The following TIAM1 variants were observed in gnomAD, a reference collection of about 807,000 sequenced individuals.
The protein encoded by TIAM1 is TIAM Rac1 associated GEF 1.
A neutral mutation model predicts 163.5 loss-of-function variants in TIAM1; 65 were observed. That is an observed-to-expected ratio of 0.40 (90% CI 0.33 to 0.49). The LOEUF (loss-of-function observed/expected upper bound fraction) is 0.49, where lower values mean the gene tolerates loss of function less well. Ranked by LOEUF, TIAM1 falls within the 20% of genes least tolerant of loss-of-function variation. The pLI, the probability that TIAM1 is intolerant of heterozygous loss-of-function variation, is 0.77. For synonymous variants in TIAM1, 833 were observed against 810.1 expected (o/e 1.03, Z -0.48); for missense variants, 1,789 against 2,044.7 (o/e 0.87, Z 2.41).
intron 6 of TIAM1, among the ~76,000 whole-genome samples, chr21:31,234,820 A>G (rs913299095): frequency 1.3e-5 from 2 of 152,072 alleles, no homozygotes; most frequent in African/African-American, 2.4e-5. Context: ...CTTTGGCAGC[A>G]TATATACTAA....
At chr21:31,225,237 C>A (rs536231340) in intron 7 of TIAM1, among the ~76,000 whole-genome samples, 2 of 151,946 alleles carry the variant, frequency 1.3e-5, no homozygotes, top group South Asian at 2.1e-4. Flanking sequence ...TGGGCTCAAG[C>A]GAGTATGCCC....
At chr21:31,487,906 G>A (rs2046332184) in intron 1 of TIAM1, among the ~76,000 whole-genome samples, 1 of 151,658 alleles carries the variant, frequency 6.6e-6, no homozygotes, top group Non-Finnish European at 1.5e-5. Context: ...TGGCCAGGCT[G>A]GTCTCAAGCA....
At chr21:31,360,760 G>C (rs1172598458) in intron 2 of TIAM1, among the ~76,000 whole-genome samples, 1 of 152,166 alleles carries the variant, frequency 6.6e-6, no homozygotes, top group Non-Finnish European at 1.5e-5. Context: ...TTGTCAGGCA[G>C]TTCACAAAAG....
intron 2 of TIAM1, chr21:31,452,655 T>A: frequency 2.2e-6 from 1 of 451,594 alleles, no homozygotes; most frequent in South Asian, 2.0e-5. Context: ...ACTGAAATTC[T>A]CAGGGCTTTT....
chr21:31,223,329 G>A lies in TIAM1; in HGVS notation c.1995+77C>T, dbSNP rs1025412201. ...CAGCAGGAAGCTCGAAAAACACTTA[G>A]GAGACTCTTGTCAAGTCCTGCTCAG... On this transcript the variant is annotated intron_variant, in intron 8 of 27. Transcript: ENST00000541036. The A allele has an allele frequency of 3.4e-6, 5 of 1,462,552 alleles. No individual in the cohort carries two copies. The African/African-American group carries it at 4.3e-5, about 12-fold the overall frequency. The allele number at this position is 1,462,552 out of a possible 1,614,324, so 90.6% of individuals were successfully genotyped here.
At chr21:31,192,889 G>A (rs1271527565) in intron 13 of TIAM1, among the ~76,000 whole-genome samples, 1 of 152,162 alleles carries the variant, frequency 6.6e-6, no homozygotes. Flanking sequence ...GGTGTGGAAT[G>A]AGGACAACGT....
At chr21:31,396,175 G>C (rs1379126918) in intron 2 of TIAM1, among the ~76,000 whole-genome samples, 1 of 152,166 alleles carries the variant, frequency 6.6e-6, no homozygotes, top group Non-Finnish European at 1.5e-5. Context: ...AAGAGGAGTA[G>C]AGGGGCTTGT....
chr21:31,155,753 G>A (rs933470711), intron 16 of TIAM1, among the ~76,000 whole-genome samples: 7 of 152,034 alleles, frequency 4.6e-5, no homozygotes, highest in African/African-American at 1.4e-4. Context: ...CACCCGCCTT[G>A]GCCTCCCAAA....
intron 2 of TIAM1, among the ~76,000 whole-genome samples, chr21:31,284,614 G>A (rs139532217): frequency 4.9e-4 from 74 of 152,266 alleles, no homozygotes; most frequent in African/African-American, 1.5e-3. Context: ...CACCTCTCAA[G>A]TTCAAGTGAT....
At chr21:31,286,732 T>TGC (rs899593434) in intron 2 of TIAM1, among the ~76,000 whole-genome samples, 16 of 152,264 alleles carry the variant, frequency 1.1e-4, no homozygotes, top group African/African-American at 3.9e-4. Context: ...TGTGTGTGTG[T>TGC]GCATTTATTT....
At chr21:31,312,724 C>G (rs2074977392) in intron 2 of TIAM1, among the ~76,000 whole-genome samples, 1 of 152,166 alleles carries the variant, frequency 6.6e-6, no homozygotes, top group East Asian at 1.9e-4. Flanking sequence ...TCGAAAGTAG[C>G]TGAGTAGAAA....
chr21:31,123,976 A>C (rs2082091966), intron 27 of TIAM1: 1 of 152,280 alleles, frequency 6.6e-6, no homozygotes. Context: ...ATGGAGACTA[A>C]AAATAAAGTT....
chr21:31,230,923 C>T (rs2088382895), intron 6 of TIAM1, among the ~76,000 whole-genome samples: 1 of 152,232 alleles, frequency 6.6e-6, no homozygotes, highest in African/African-American at 2.4e-5. Flanking sequence ...CTGCCTCGGC[C>T]TCCCAAAGTG....
chr21:31,309,355 G>A (rs1219986460), intron 2 of TIAM1, among the ~76,000 whole-genome samples: 2 of 152,186 alleles, frequency 1.3e-5, no homozygotes, highest in Non-Finnish European at 2.9e-5. Context: ...CCACTCAGGA[G>A]GCTGAGGCAG....
At chr21:31,538,358 C>T (rs187350622) in intron 1 of TIAM1, among the ~76,000 whole-genome samples, 6 of 152,284 alleles carry the variant, frequency 3.9e-5, no homozygotes, top group Non-Finnish European at 7.3e-5. Flanking sequence ...GCCTGGGCAA[C>T]ACAGTGAGAC....
At chr21:31,510,298 T>C (rs2047170431) in intron 1 of TIAM1, among the ~76,000 whole-genome samples, 1 of 152,230 alleles carries the variant, frequency 6.6e-6, no homozygotes, top group Non-Finnish European at 1.5e-5. Flanking sequence ...GCCTCTCCTC[T>C]GTGCGTGCAC....
intron 2 of TIAM1, among the ~76,000 whole-genome samples, chr21:31,454,269 ATATT>A (rs1303860380): frequency 6.6e-6 from 1 of 152,208 alleles, no homozygotes; most frequent in Non-Finnish European, 1.5e-5. Flanking sequence ...GCTCAGGAAA[ATATT>A]TACTGAATGG....
At chr21:31,195,779 A>T (rs2085819366) in intron 12 of TIAM1, among the ~76,000 whole-genome samples, 1 of 152,186 alleles carries the variant, frequency 6.6e-6, no homozygotes, top group Admixed American at 6.5e-5. Flanking sequence ...AAAGGAGGAT[A>T]TTCTTTTTTT....
At chr21:31,428,346 T>C (rs1429712102) in intron 2 of TIAM1, among the ~76,000 whole-genome samples, 1 of 152,180 alleles carries the variant, frequency 6.6e-6, no homozygotes. Flanking sequence ...TAATACCCCT[T>C]CCTATATATG....
Sources: allele counts gnomAD v4.1 joint callset (sites outside exome capture counted in the v4.1 genomes callset), GRCh38; gene constraint gnomAD v4.1.1; transcripts MANE v1.5; gene names NCBI Gene and HGNC (gene_info 2026-07-23, HGNC 2026-07-21).